Variants in NAALADL2 observed in about 807,000 individuals in gnomAD.
NAALADL2 encodes the protein N-acetylated alpha-linked acidic dipeptidase like 2.
A neutral mutation model predicts 87.2 loss-of-function variants in NAALADL2; 76 were observed. The ratio of observed to expected loss-of-function variants is 0.87; its 90% CI spans 0.72 to 1.05. NAALADL2 has a LOEUF of 1.05. Ranked by LOEUF, NAALADL2 falls within the 50% of genes least tolerant of loss-of-function variation. NAALADL2 has a pLI of 0.00. For missense variants in NAALADL2, 1,089 were observed against 945.8 expected, an observed-to-expected ratio of 1.15 and a Z score of -1.99; for synonymous variants, 354 against 331.0, an observed-to-expected ratio of 1.07 and a Z score of -0.75.
chr3:175,436,349 C>G (rs1461101326), intron 5 of NAALADL2, among the ~76,000 whole-genome samples: 1 of 149,690 alleles, frequency 6.7e-6, no homozygotes, highest in Admixed American at 6.8e-5. Flanking sequence ...GATTTATGGT[C>G]TTTTGGGTAT....
At chr3:174,806,943 C>T (rs1037840833) in intron 3 of NAALADL2, among the ~76,000 whole-genome samples, 1 of 151,920 alleles carries the variant, frequency 6.6e-6, no homozygotes, top group African/African-American at 2.4e-5. Flanking sequence ...CATCATTGTC[C>T]TTAGTTATAG....
intron 2 of NAALADL2, among the ~76,000 whole-genome samples, chr3:175,133,430 C>A (rs531304559): frequency 1.1e-3 from 170 of 152,318 alleles, no homozygotes; most frequent in Non-Finnish European, 1.9e-3. Context: ...AGCCTGGGCA[C>A]CATTGAGCAC....
At chr3:175,516,631 A>C (rs1303920703) in intron 9 of NAALADL2, among the ~76,000 whole-genome samples, 1 of 152,238 alleles carries the variant, frequency 6.6e-6, no homozygotes, top group Non-Finnish European at 1.5e-5. Context: ...GTTAGAAGAA[A>C]GAAAATACCG....
chr3:174,829,127 A>C (rs1722330848), intron 3 of NAALADL2, among the ~76,000 whole-genome samples: 1 of 150,956 alleles, frequency 6.6e-6, no homozygotes, highest in Non-Finnish European at 1.5e-5. Flanking sequence ...TGTTGTTTTT[A>C]ATTATACTTT....
At chr3:175,486,507 T>A (rs1415381966) in intron 9 of NAALADL2, among the ~76,000 whole-genome samples, 1 of 152,184 alleles carries the variant, frequency 6.6e-6, no homozygotes, top group African/African-American at 2.4e-5. Context: ...TTTTGTGTTT[T>A]GAAACTCCAC....
chr3:175,766,702 G>C (rs1748733606), intron 13 of NAALADL2, among the ~76,000 whole-genome samples: 1 of 152,100 alleles, frequency 6.6e-6, no homozygotes, highest in Non-Finnish European at 1.5e-5. Context: ...GATCCAAAGA[G>C]AATTAAGAGA....
chr3:174,564,784 C>G (rs375357481), intron 2 of NAALADL2, among the ~76,000 whole-genome samples: 1 of 151,924 alleles, frequency 6.6e-6, no homozygotes, highest in East Asian at 1.9e-4. Context: ...TATATCTTGT[C>G]TGAAATGTAT....
chr3:174,498,596 G>A (rs1718695336), intron 1 of NAALADL2, among the ~76,000 whole-genome samples: 1 of 150,128 alleles, frequency 6.7e-6, no homozygotes, highest in African/African-American at 2.4e-5. Flanking sequence ...ATATATTATA[G>A]TTTCTTTAAA....
chr3:175,470,254 G>A (rs777007143), intron 8 of NAALADL2, among the ~76,000 whole-genome samples: 10 of 152,124 alleles, frequency 6.6e-5, no homozygotes, highest in East Asian at 5.8e-4. Flanking sequence ...TGGAGGGAAC[G>A]GGGAGAAAAT....
At chr3:174,505,409 A>G (rs1011746956) in intron 1 of NAALADL2, among the ~76,000 whole-genome samples, 4 of 152,206 alleles carry the variant, frequency 2.6e-5, no homozygotes, top group South Asian at 2.1e-4. Context: ...AGACCATTCT[A>G]CCTTGGTCAT....
chr3:175,390,260 A>G (rs16825594), intron 5 of NAALADL2, among the ~76,000 whole-genome samples: 34,774 of 152,132 alleles, frequency 0.23, 4,541 homozygotes, highest in East Asian at 0.47. Flanking sequence ...AAATTCCATG[A>G]TCATTTTACT....
intron 11 of NAALADL2, among the ~76,000 whole-genome samples, chr3:175,683,398 C>T (rs531940424): frequency 6.6e-6 from 1 of 151,816 alleles, no homozygotes; most frequent in Non-Finnish European, 1.5e-5. Flanking sequence ...TAGTCATGTT[C>T]TTGGTTCTTT....
chr3:175,620,762 T>G (rs1253794912), intron 10 of NAALADL2, among the ~76,000 whole-genome samples: 1 of 152,174 alleles, frequency 6.6e-6, no homozygotes, highest in Non-Finnish European at 1.5e-5. Context: ...ATGTTGCCGC[T>G]CTTTTCGTGC....
chr3:174,728,322 A>G (rs1376387682), intron 2 of NAALADL2, among the ~76,000 whole-genome samples: 2 of 152,036 alleles, frequency 1.3e-5, no homozygotes, highest in Non-Finnish European at 2.9e-5. Flanking sequence ...ATGAACTTAT[A>G]ATAAGCCTTT....
intron 1 of NAALADL2, among the ~76,000 whole-genome samples, chr3:174,479,681 T>C (rs911557963): frequency 3.9e-5 from 6 of 152,168 alleles, no homozygotes; most frequent in Non-Finnish European, 7.4e-5. Flanking sequence ...AAGTGTAAGC[T>C]AGCTGGTTCC....
At chr3:175,579,726 G>C (rs1481740855) in intron 10 of NAALADL2, among the ~76,000 whole-genome samples, 1 of 152,160 alleles carries the variant, frequency 6.6e-6, no homozygotes, top group Non-Finnish European at 1.5e-5. Context: ...ATGTCAAAAA[G>C]GAAAAGACAG....
chr3:175,190,973 C>T (rs1249822194), intron 2 of NAALADL2, among the ~76,000 whole-genome samples: 2 of 131,498 alleles, frequency 1.5e-5, no homozygotes, highest in East Asian at 2.2e-4. Flanking sequence ...CAGAGGGAGA[C>T]TCCGTCTCAA....
intron 1 of NAALADL2, among the ~76,000 whole-genome samples, chr3:175,038,361 C>G (rs9831769): frequency 1.3e-5 from 2 of 151,824 alleles, no homozygotes; most frequent in African/African-American, 2.4e-5. Flanking sequence ...GACACTTTCA[C>G]TAAGACTCAC....
In NAALADL2 at chr3:175,805,998, T is replaced by TTTAG. The variant is rs924908217; in HGVS notation, c.*2801_*2804dup. The TTTAG allele has an allele frequency of 6.6e-6, 1 of 151,960 alleles. No homozygotes were observed. Among genetic ancestry groups the TTTAG allele is most frequent in the African/African-American group, 2.4e-5 (1 of 41,418 alleles). 9.4% of individuals were successfully genotyped at this position (151,960 alleles called of 1,614,324 possible). A position where few individuals can be genotyped will look rare whatever the true frequency, so the allele number is the denominator to read the frequency against. Reference sequence around the variant, plus strand: ...TAAGAAACTTGGACATAGTCATGTATTTAGTTAGTAACAAAAGCACCACTG... The same window carrying TTTAG: ...TAAGAAACTTGGACATAGTCATGTATTTAGTTAGTTAGTAACAAAAGCACCACTG... On this transcript the variant is annotated 3_prime_UTR_variant, in exon 14 of 14. Transcript: ENST00000454872.
Sources: gnomAD v4.1 joint callset for allele counts (sites outside exome capture counted in the v4.1 genomes callset) on GRCh38, gnomAD v4.1.1 for gene constraint, MANE v1.5 for transcripts, NCBI Gene and HGNC (gene_info 2026-07-23, HGNC 2026-07-21) for gene names.